GPM6A: variants seen among roughly 807,000 people sequenced by gnomAD.
GPM6A encodes the protein glycoprotein M6A, also known as neuronal membrane glycoprotein M6-a.
A neutral mutation model predicts 32.1 loss-of-function variants in GPM6A; 7 were observed. That is an observed-to-expected ratio of 0.22 (90% CI 0.12 to 0.41). The LOEUF (loss-of-function observed/expected upper bound fraction) is 0.41, where lower values mean the gene tolerates loss of function less well. Ranked by LOEUF, GPM6A falls within the 10% of genes least tolerant of loss-of-function variation. The probability of loss-of-function intolerance (pLI) is 1.00; values close to 1 mark genes in which losing one functional copy is unlikely to be tolerated. For synonymous variants in GPM6A, 130 were observed against 123.4 expected (o/e 1.05, Z -0.35); for missense variants, 235 against 347.2 (o/e 0.68, Z 2.57).
intron 1 of GPM6A, among the ~76,000 whole-genome samples, chr4:175,938,815 A>C (rs1222866225): frequency 6.6e-6 from 1 of 152,060 alleles, no homozygotes; most frequent in Non-Finnish European, 1.5e-5. Context: ...TTATCATTAC[A>C]CATTCTATGC....
At chr4:175,648,355 A>C (rs1440805709) in intron 4 of GPM6A, among the ~76,000 whole-genome samples, 1 of 152,174 alleles carries the variant, frequency 6.6e-6, no homozygotes, top group Non-Finnish European at 1.5e-5. Context: ...TGTTGGAGTA[A>C]GCCGTGAAGG....
At chr4:175,918,167 G>T (rs1019805613) in intron 1 of GPM6A, among the ~76,000 whole-genome samples, 4 of 150,940 alleles carry the variant, frequency 2.7e-5, no homozygotes, top group African/African-American at 9.8e-5. Flanking sequence ...GAAAAAAAAA[G>T]AAACTTTATA....
intron 1 of GPM6A, among the ~76,000 whole-genome samples, chr4:175,942,831 T>G (rs1238677509): frequency 1.3e-5 from 2 of 152,192 alleles, no homozygotes; most frequent in Non-Finnish European, 2.9e-5. Context: ...AGCTTTGATC[T>G]TTTTGCTTAG....
At chr4:175,869,918 G>C (rs1002444797) in intron 1 of GPM6A, among the ~76,000 whole-genome samples, 3 of 152,130 alleles carry the variant, frequency 2.0e-5, no homozygotes, top group African/African-American at 7.2e-5. Context: ...TTACAAGTGA[G>C]GAAATAGTAT....
chr4:175,647,807 G>A (rs1294796528), intron 4 of GPM6A, among the ~76,000 whole-genome samples: 1 of 152,110 alleles, frequency 6.6e-6, no homozygotes, highest in East Asian at 1.9e-4. Context: ...GATGCTTCTT[G>A]ATAATAATGT....
chr4:175,805,647 G>A (rs1484104847), intron 1 of GPM6A, among the ~76,000 whole-genome samples: 1 of 152,130 alleles, frequency 6.6e-6, no homozygotes, highest in Admixed American at 6.5e-5. Context: ...GTAAGAAAGT[G>A]TCTTTCTTTC....
chr4:175,811,199 T>C (rs1414176950), intron 1 of GPM6A, among the ~76,000 whole-genome samples: 4 of 152,096 alleles, frequency 2.6e-5, no homozygotes, highest in African/African-American at 4.8e-5. Context: ...TAAAATACAG[T>C]TTTTTACGAT....
chr4:175,757,169 G>A (rs375009016), intron 1 of GPM6A, among the ~76,000 whole-genome samples: 3 of 152,054 alleles, frequency 2.0e-5, no homozygotes, highest in South Asian at 2.1e-4. Context: ...GGGGAGTGCT[G>A]CTTCAGTCAC....
intron 3 of GPM6A, chr4:175,654,394 A>G (rs181749477): frequency 6.6e-6 from 1 of 152,298 alleles, no homozygotes; most frequent in African/African-American, 2.4e-5. Context: ...TGCTTAAGTG[A>G]GCCTGAGATG....
chr4:175,910,361 C>G (rs1407049981), intron 1 of GPM6A, among the ~76,000 whole-genome samples: 2 of 152,084 alleles, frequency 1.3e-5, no homozygotes, highest in African/African-American at 2.4e-5. Flanking sequence ...AGCTTTGAAC[C>G]TGCTTTGAAG....
intron 1 of GPM6A, among the ~76,000 whole-genome samples, chr4:175,779,651 C>A (rs984896191): frequency 5.9e-5 from 9 of 152,072 alleles, no homozygotes; most frequent in African/African-American, 2.2e-4. Context: ...CACTGAAGGT[C>A]AGTTAACAAA....
chr4:175,690,178 T>G lies in GPM6A; in HGVS notation c.230+11397A>C, dbSNP rs1382724807. ...ATACCAGTCCACCAACTTGCTGACA[T>G]CACTTATCTCAAATTCATATTTCGT... On this transcript the variant is annotated intron_variant, in intron 2 of 6. Transcript: ENST00000393658. 2.0e-5 allele frequency among the ~76,000 whole-genome samples: 3 copies of G among 152,210 alleles called. No individual in the cohort carries two copies. In the East Asian group the frequency reaches 5.8e-4, roughly 29 times the overall value.
chr4:175,816,290 T>C (rs1264654861), upstream of GPM6A, among the ~76,000 whole-genome samples: 1 of 152,216 alleles, frequency 6.6e-6, no homozygotes, highest in African/African-American at 2.4e-5. Context: ...GTCTAAGAAA[T>C]GTTTATAATG....
chr4:175,680,619 A>C (rs768866378), intron 2 of GPM6A, among the ~76,000 whole-genome samples: 1 of 152,118 alleles, frequency 6.6e-6, no homozygotes, highest in Non-Finnish European at 1.5e-5. Flanking sequence ...TCATTTTTGG[A>C]TATACAGGAC....
intron 1 of GPM6A, among the ~76,000 whole-genome samples, chr4:175,857,911 A>G (rs1736462532): frequency 6.6e-6 from 1 of 152,192 alleles, no homozygotes; most frequent in Non-Finnish European, 1.5e-5. Context: ...ATGTTTTTGC[A>G]GATGCCAATT....
intron 1 of GPM6A, among the ~76,000 whole-genome samples, chr4:175,763,142 A>C (rs1032890031): frequency 7.9e-5 from 12 of 152,190 alleles, no homozygotes; most frequent in Admixed American, 2.6e-4. Context: ...ACTTTTCAAT[A>C]CATTTTCAAT....
At chr4:175,711,457 T>TATATATATATATATATAC in intron 1 of GPM6A, among the ~76,000 whole-genome samples, 1 of 28,010 alleles carries the variant, frequency 3.6e-5, no homozygotes, top group East Asian at 2.1e-3. Context: ...TATATATATA[T>TATATATATATATATATAC]ACACACACAT....
intron 1 of GPM6A, among the ~76,000 whole-genome samples, chr4:175,901,224 T>A (rs1218000098): frequency 6.6e-6 from 1 of 152,124 alleles, no homozygotes; most frequent in African/African-American, 2.4e-5. Flanking sequence ...GACATAGTAT[T>A]TGATAGAACC....
At chr4:175,680,689 C>A (rs1024339655) in intron 2 of GPM6A, among the ~76,000 whole-genome samples, 1 of 152,160 alleles carries the variant, frequency 6.6e-6, no homozygotes, top group Non-Finnish European at 1.5e-5. Flanking sequence ...AGTGGCAAGA[C>A]TTTTCTATCC....
Sources: gnomAD v4.1 joint callset for allele counts (sites outside exome capture counted in the v4.1 genomes callset) on GRCh38, gnomAD v4.1.1 for gene constraint, MANE v1.5 for transcripts, NCBI Gene and HGNC (gene_info 2026-07-23, HGNC 2026-07-21) for gene names.